Variants in TOM1L1 observed in about 807,000 individuals in gnomAD.
TOM1L1 encodes the protein TOM1-like protein 1.
Under a neutral mutation model 63.4 loss-of-function variants are expected in TOM1L1, and 64 were observed. The observed-to-expected ratio is 1.01, with a 90% CI of 0.83 to 1.24. The LOEUF is 1.24. Ranked by LOEUF, TOM1L1 falls within the 50% of genes most tolerant of loss-of-function variation. TOM1L1 has a pLI of 0.00. For synonymous variants in TOM1L1, 166 were observed against 194.4 expected, an observed-to-expected ratio of 0.85 and a Z score of 1.22; for missense variants, 536 against 567.0, an observed-to-expected ratio of 0.95 and a Z score of 0.55.
At chr17:54,919,330 C>T (rs934645694) in intron 7 of TOM1L1, among the ~76,000 whole-genome samples, 7 of 152,128 alleles carry the variant, frequency 4.6e-5, no homozygotes, top group Admixed American at 3.9e-4. Context: ...CTAGTTCCAC[C>T]TGGTCTTCCT....
intron 7 of TOM1L1, among the ~76,000 whole-genome samples, chr17:54,925,275 TG>T (rs11361696): frequency 1 from 152,340 of 152,340 alleles, 76,170 homozygotes; most frequent in Non-Finnish European, 1. Context: ...AAGAATAATG[TG>T]GGGGAGGGCA....
intron 7 of TOM1L1, among the ~76,000 whole-genome samples, chr17:54,919,778 A>G (rs1446697953): frequency 6.7e-6 from 1 of 149,698 alleles, no homozygotes; most frequent in Non-Finnish European, 1.5e-5. Context: ...GGGGAGTGCT[A>G]TTCTTAATTT....
intron 9 of TOM1L1, 85 bp downstream of exon 9, chr17:54,936,794 T>A: frequency 8.3e-7 from 1 of 1,209,736 alleles, no homozygotes; most frequent in Non-Finnish European, 1.2e-6. Flanking sequence ...AAACAAGTCT[T>A]AAAAAGAGGA....
rs1425156230 is a variant in TOM1L1 at position 54,950,192 on chromosome 17, G to C, written c.1370+66G>C. On this transcript the variant is annotated intron_variant, in intron 14 of 15. Transcript: ENST00000575882. ...GTTCCCTTTGATAGCAGAGCTAACA[G>C]GGCTTGGTTATACATTTAACTTTGT... 1.9e-5 allele frequency: 24 copies of C among 1,256,990 alleles called. No individual in the cohort carries two copies. In the East Asian group the frequency reaches 5.5e-4, roughly 29 times the overall value. 77.9% of individuals were successfully genotyped at this position (1,256,990 alleles called of 1,614,324 possible).
rs1294515296 is a variant in TOM1L1, at chr17:54,901,161, C to G, written c.58+238C>G. 6.7e-6 allele frequency: 4 copies of G among 601,086 alleles called. No individual in the cohort carries two copies. In the East Asian group the frequency reaches 1.1e-4, roughly 17 times the overall value. The allele number at this position is 601,086 out of a possible 1,614,324, so 37.2% of individuals were successfully genotyped here. ...AAATGTACCTTCCTTTCGATGCCGC[C>G]TGGGGAGTGGAACCAAACAGGTGAA... On this transcript the variant is annotated intron_variant, in intron 1 of 15. Coordinates refer to ENST00000575882, the MANE Select transcript of TOM1L1 (RefSeq NM_005486.3).
At chr17:54,912,637 TATA>T (rs1215208724) in intron 3 of TOM1L1, 26 bp from the exon 4 acceptor site, 1 of 1,492,274 alleles carries the variant, frequency 6.7e-7, no homozygotes, top group Non-Finnish European at 8.9e-7. Context: ...GCCAGATAAA[TATA>T]ATGTTTAATT....
chr17:54,950,491 T>C (rs1488046362), intron 14 of TOM1L1, among the ~76,000 whole-genome samples: 2 of 152,340 alleles, frequency 1.3e-5, no homozygotes, highest in East Asian at 3.9e-4. Flanking sequence ...TAGCTGCTCT[T>C]TATGAACTGA....
chr17:54,927,210 G>A (rs1025603945), intron 7 of TOM1L1, among the ~76,000 whole-genome samples: 3 of 152,176 alleles, frequency 2.0e-5, no homozygotes, highest in Admixed American at 6.5e-5. Context: ...GGTTTCTTGC[G>A]CTTTGGGGAA....
intron 8 of TOM1L1, 139 bp from the exon 9 acceptor site, chr17:54,936,510 A>C (rs2048948901): frequency 1.4e-6 from 1 of 692,506 alleles, no homozygotes; most frequent in African/African-American, 1.9e-5. Flanking sequence ...AAGGTTATTA[A>C]AAGTATTTTA....
At chr17:54,934,537 G>A (rs2048915415) in intron 8 of TOM1L1, among the ~76,000 whole-genome samples, 1 of 152,066 alleles carries the variant, frequency 6.6e-6, no homozygotes. Context: ...CCATCCACTT[G>A]CAAAATACAT....
At chr17:54,930,610 TG>T (rs2048843018) in intron 8 of TOM1L1, among the ~76,000 whole-genome samples, 4 of 151,994 alleles carry the variant, frequency 2.6e-5, no homozygotes. Flanking sequence ...GAGGCCAAGG[TG>T]GGCAGATCAT....
In TOM1L1 at chr17:54,961,738, T is replaced by C. The variant is rs16955429; in HGVS notation, c.*505T>C. 0.014 allele frequency: 13,948 copies of C among 1,018,270 alleles called. 1,260 individuals are homozygous for C. The African/African-American group carries it at 0.21, about 15-fold the overall frequency. The allele number at this position is 1,018,270 out of a possible 1,614,324, so 63.1% of individuals were successfully genotyped here. A position where few individuals can be genotyped will look rare whatever the true frequency, so the allele number is the denominator to read the frequency against. ...AATCCTCTGGTTTAGAATTATAAATTGTTAAAACCTTGATAATTGTCATTT... is the reference window on the plus strand; with the variant it reads ...AATCCTCTGGTTTAGAATTATAAATCGTTAAAACCTTGATAATTGTCATTT... On this transcript the variant is annotated 3_prime_UTR_variant, in exon 16 of 16. Coordinates refer to ENST00000575882, the MANE Select transcript of TOM1L1 (RefSeq NM_005486.3).
intron 14 of TOM1L1, among the ~76,000 whole-genome samples, chr17:54,958,748 A>AAAAAAAAAAAG (rs372776781): frequency 0.15 from 17,589 of 117,466 alleles, 2,052 homozygotes; most frequent in Non-Finnish European, 0.21. Flanking sequence ...AAAAAAAAAA[A>AAAAAAAAAAAG]GGGGTTGTTG....
At chr17:54,916,024 T>C (rs1382125056) in intron 7 of TOM1L1, 162 bp downstream of exon 7, 9 of 503,038 alleles carry the variant, frequency 1.8e-5, no homozygotes, top group Non-Finnish European at 3.1e-5. Context: ...AAGAATGACT[T>C]TGTCAGAAAT....
At chr17:54,912,863 GAT>G in intron 4 of TOM1L1, 48 bp downstream of exon 4, 1 of 1,427,260 alleles carries the variant, frequency 7.0e-7, no homozygotes, top group Non-Finnish European at 9.3e-7. Flanking sequence ...TAAGATTAGG[GAT>G]TTAATAGCTT....
chr17:54,913,958 AC>A, intron 5 of TOM1L1, 85 bp downstream of exon 5: 1 of 1,424,900 alleles, frequency 7.0e-7, no homozygotes, highest in Non-Finnish European at 9.3e-7. Flanking sequence ...CCCTAAATCC[AC>A]CCAGCTTAAG....
intron 1 of TOM1L1, 25 bp downstream of exon 1, chr17:54,900,948 CCAGG>C: frequency 6.2e-7 from 1 of 1,613,610 alleles, no homozygotes; most frequent in South Asian, 1.1e-5. Context: ...GGAGAGACGC[CCAGG>C]CAGGCAGGGG....
chr17:54,941,725 A>G (rs2049034423), intron 11 of TOM1L1, among the ~76,000 whole-genome samples: 1 of 152,234 alleles, frequency 6.6e-6, no homozygotes, highest in Non-Finnish European at 1.5e-5. Flanking sequence ...ATAATTCAGT[A>G]TGCATAAAAA....
intron 11 of TOM1L1, among the ~76,000 whole-genome samples, chr17:54,940,052 T>C (rs968617728): frequency 6.6e-6 from 1 of 152,136 alleles, no homozygotes; most frequent in Non-Finnish European, 1.5e-5. Flanking sequence ...TATGCCCCAA[T>C]GCCCAACTAA....
Sources: allele counts gnomAD v4.1 joint callset (sites outside exome capture counted in the v4.1 genomes callset), GRCh38; gene constraint gnomAD v4.1.1; transcripts MANE v1.5; gene names NCBI Gene and HGNC (gene_info 2026-07-23, HGNC 2026-07-21).